The following SDF4 variants were observed in gnomAD, a reference collection of about 807,000 sequenced individuals.
SDF4 encodes the protein stromal cell derived factor 4.
SDF4 carries 22 observed loss-of-function variants against 34.2 expected under a neutral mutation model. The observed-to-expected ratio is 0.64, with a 90% CI of 0.46 to 0.92. The LOEUF is 0.92. Among genes scored for constraint, SDF4 ranks in the 40% least tolerant of loss-of-function variants. SDF4 has a pLI of 0.00. For synonymous variants in SDF4, 236 were observed against 203.1 expected, an observed-to-expected ratio of 1.16 and a Z score of -1.38; for missense variants, 447 against 499.9, an observed-to-expected ratio of 0.89 and a Z score of 1.01.
intron 4 of SDF4, chr1:1,219,293 A>C (rs994545782): frequency 4.2e-5 from 47 of 1,127,730 alleles, no homozygotes; most frequent in Non-Finnish European, 5.0e-5. Flanking sequence ...TGGACCCCCC[A>C]CACAGCCCAG....
intron 1 of SDF4, among the ~76,000 whole-genome samples, chr1:1,229,330 C>T (rs1297815132): frequency 6.6e-6 from 1 of 152,134 alleles, no homozygotes; most frequent in Non-Finnish European, 1.5e-5. Context: ...CCTCAGCCAC[C>T]GGAGCAGCTG....
At chr1:1,229,481 G>C (rs965021799) in intron 1 of SDF4, among the ~76,000 whole-genome samples, 1 of 152,210 alleles carries the variant, frequency 6.6e-6, no homozygotes, top group African/African-American at 2.4e-5. Context: ...CAACGTGCTG[G>C]GATTACAGGC....
In SDF4 at chr1:1,218,898, G is replaced by A. The variant is rs547040308; in HGVS notation, c.586C>T (p.Arg196Cys). 171 of 1,600,018 alleles carry A rather than the reference G, an allele frequency of 1.1e-4. No individual in the cohort carries two copies. Among genetic ancestry groups the A allele is most frequent in the Non-Finnish European group, 1.4e-4 (167 of 1,171,148 alleles). The change falls in exon 5 of 7, where the codon CGC becomes TGC. Residue 196 changes from arginine (R) to cysteine (C), a missense_variant. Transcript: ENST00000360001. The surrounding 1 kb of genome is among the most constrained non-coding windows in gnomAD (Gnocchi z 7.9). ...GGGGGGCTGTCCGCCTGGTACCAGC[G>A]GTCCTTCAGGTTCTCCAGGACTTCC... ...TQEVLENLKD[R>C]WYQADSPPAD...
chr1:1,225,482 A>G (rs1381447629), intron 2 of SDF4, among the ~76,000 whole-genome samples: 1 of 152,206 alleles, frequency 6.6e-6, no homozygotes, highest in Non-Finnish European at 1.5e-5. Context: ...CTCATGGAAG[A>G]AGGCCAGGCT....
At position 1,223,832 on chromosome 1, in the gene SDF4, C is replaced by G; in HGVS notation, c.442G>C (p.Gly148Arg). 6.8e-7 allele frequency: 1 copy of G among 1,466,018 alleles called. No individual in the cohort carries two copies. The highest frequency in any genetic ancestry group is 9.2e-7 in the Non-Finnish European group (1 of 1,083,700). The allele number at this position is 1,466,018 out of a possible 1,614,324, so 90.8% of individuals were successfully genotyped here. A position where few individuals can be genotyped will look rare whatever the true frequency, so the allele number is the denominator to read the frequency against. The change falls in exon 3 of 7, where the codon GGT becomes CGT. Residue 148 changes from glycine (G) to arginine (R), a missense_variant and splice_region_variant. Transcript: ENST00000360001. The stretch of plus-strand genomic sequence containing the variant: ...ACCCACCCCGGCCCAGCCACAGTAC[C>G]GTCCCCGTCAGGGTCCACGGCGCGG... The part of the protein sequence containing the change: ...HFRAVDPDGD[G>R]HVSWDEYKVK...
At chr1:1,227,595 G>A (rs568742524) in intron 2 of SDF4, among the ~76,000 whole-genome samples, 143 of 152,318 alleles carry the variant, frequency 9.4e-4, no homozygotes, top group Non-Finnish European at 1.8e-3. Flanking sequence ...CACCCTGGCT[G>A]GCCTGGGGGA....
intron 1 of SDF4, 79 bp from the exon 2 acceptor site, chr1:1,229,025 A>G: frequency 1.8e-6 from 1 of 556,480 alleles, no homozygotes; most frequent in South Asian, 2.4e-5. Flanking sequence ...AACATGAAAC[A>G]TATCCTCGAT....
chr1:1,220,542 G>T, intron 4 of SDF4: 1 of 1,240,200 alleles, frequency 8.1e-7, no homozygotes, highest in Non-Finnish European at 1.0e-6. Context: ...GAGGTCGGGG[G>T]GTCCTAGGCA....
At chr1:1,229,416 T>C (rs1247091070) in intron 1 of SDF4, among the ~76,000 whole-genome samples, 2 of 152,248 alleles carry the variant, frequency 1.3e-5, no homozygotes, top group African/African-American at 4.8e-5. Flanking sequence ...CTCGCTGTAT[T>C]GCTCAGGCTG....
Position 1,218,854 on chromosome 1 carries a change from C to T in SDF4, c.630G>A (p.Thr210=), listed in dbSNP as rs766775428. Residue 210 remains threonine (T), a synonymous_variant, in exon 5 of 7, where the codon ACG becomes ACA. Transcript: ENST00000360001. This position sits in a 1 kb window ranked among gnomAD's most constrained non-coding sequence, Gnocchi z 7.9. The part of the protein sequence containing the change: ...ADSPPADLLL[T]EEEFLSFLHP... ...GGAGGAACGACAGGAACTCCTCCTC[C>T]GTCAGCAGCAGGTCTGCAGGGGGGC... The T allele has an allele frequency of 8.8e-6, 14 of 1,598,062 alleles. No homozygotes were observed. Among genetic ancestry groups the T allele is most frequent in the East Asian group, 2.2e-5 (1 of 44,534 alleles).
At chr1:1,223,786 G>GTC in intron 3 of SDF4, 46 bp downstream of exon 3, 1 of 585,242 alleles carries the variant, frequency 1.7e-6, no homozygotes, top group Non-Finnish European at 2.9e-6. Flanking sequence ...CCATGGCCCT[G>GTC]CCCGCCCCGC....
chr1:1,226,296 G>C (rs1429689567), intron 2 of SDF4, among the ~76,000 whole-genome samples: 1 of 152,116 alleles, frequency 6.6e-6, no homozygotes, highest in Non-Finnish European at 1.5e-5. Flanking sequence ...CCTAGGACAG[G>C]GCACCTCCCC....
rs1178295984 is a variant in SDF4, at chr1:1,217,396, C to T, written c.*116G>A. 1.1e-5 allele frequency: 10 copies of T among 923,210 alleles called. No homozygotes were observed. Among genetic ancestry groups the T allele is most frequent in the South Asian group, 6.0e-5 (2 of 33,114 alleles). The allele number at this position is 923,210 out of a possible 1,614,324, so 57.2% of individuals were successfully genotyped here. A position where few individuals can be genotyped will look rare whatever the true frequency, so the allele number is the denominator to read the frequency against. Reference sequence around the variant, plus strand: ...ATCAACTGGGGCAGCCGCGGTCGGTCGGCCGGTGGCGGGCGGCAGGGAAGA... The same window carrying T: ...ATCAACTGGGGCAGCCGCGGTCGGTTGGCCGGTGGCGGGCGGCAGGGAAGA... On this transcript the variant is annotated 3_prime_UTR_variant, in exon 7 of 7. Coordinates refer to ENST00000360001, the MANE Select transcript of SDF4 (RefSeq NM_016176.6). The surrounding 1 kb of genome is among the most constrained non-coding windows in gnomAD (Gnocchi z 8.5).
Position 1,225,741 on chromosome 1 carries a change from A to T in SDF4, c.306-1773T>A, listed in dbSNP as rs561636116. Among the ~76,000 whole-genome samples, 112 of 118,988 alleles carry T rather than the reference A, an allele frequency of 9.4e-4. 1 individual carries two copies. The highest frequency in any genetic ancestry group is 2.4e-3 in the Admixed American group (32 of 13,158). 78.1% of individuals were successfully genotyped at this position (118,988 alleles called of 152,430 possible). On this transcript the variant is annotated intron_variant, in intron 2 of 6. Transcript: ENST00000360001. ...CACACGCCACAGACACGGGCCACAC[A>T]CTCCACATGCCACAGACACGGGCCA... is the stretch of plus-strand genomic sequence containing the variant.
chr1:1,219,931 T>G (rs1054584546), intron 4 of SDF4: 9 of 944,686 alleles, frequency 9.5e-6, no homozygotes, highest in Non-Finnish European at 1.1e-5. Flanking sequence ...CTGAACAACC[T>G]CCATCTACAC....
At chr1:1,223,455 G>T in intron 3 of SDF4, 98 bp from the exon 4 acceptor site, 1 of 925,142 alleles carries the variant, frequency 1.1e-6, no homozygotes. Context: ...GGCTGGAAGC[G>T]GCAGGATGCC....
chr1:1,218,662 C>G lies in SDF4; in HGVS notation c.716-29G>C. The G allele has an allele frequency of 6.2e-7, 1 of 1,613,092 alleles. No individual in the cohort carries two copies. Among genetic ancestry groups the G allele is most frequent in the Non-Finnish European group, 8.5e-7 (1 of 1,179,586 alleles). On this transcript the variant is annotated intron_variant, in intron 5 of 6. Coordinates refer to ENST00000360001, the MANE Select transcript of SDF4 (RefSeq NM_016176.6). This position sits in a 1 kb window ranked among gnomAD's most constrained non-coding sequence, Gnocchi z 7.9. Reference sequence around the variant, plus strand: ...CGAGACGGGAATGGGTCAGCCCACACCCAGGCTGGGGCTCCCGCAGGACCT... The same window carrying G: ...CGAGACGGGAATGGGTCAGCCCACAGCCAGGCTGGGGCTCCCGCAGGACCT...
intron 4 of SDF4, chr1:1,220,279 G>A (rs1649852345): frequency 9.3e-7 from 1 of 1,072,578 alleles, no homozygotes; most frequent in Non-Finnish European, 1.1e-6. Context: ...GTGAGAAGAG[G>A]ACGCAGACCC....
chr1:1,226,564 G>A (rs556464869), intron 2 of SDF4, among the ~76,000 whole-genome samples: 2 of 152,242 alleles, frequency 1.3e-5, no homozygotes, highest in African/African-American at 2.4e-5. Context: ...CTGAGTGAAC[G>A]TGGGTCCTGG....
Sources: allele counts gnomAD v4.1 joint callset (sites outside exome capture counted in the v4.1 genomes callset), GRCh38; gene constraint gnomAD v4.1.1; non-coding constraint Gnocchi (gnomAD v3.1); transcripts MANE v1.5; gene names NCBI Gene and HGNC (gene_info 2026-07-23, HGNC 2026-07-21).